DCUN1D2: variants seen among roughly 807,000 people sequenced by gnomAD.
The protein encoded by DCUN1D2 is defective in cullin neddylation 1 domain containing 2.
DCUN1D2 carries 29 observed loss-of-function variants against 30.9 expected under a neutral mutation model. The ratio of observed to expected loss-of-function variants is 0.94; its 90% confidence interval spans 0.70 to 1.28. The LOEUF is 1.28. Ranked by LOEUF, DCUN1D2 falls within the 50% of genes most tolerant of loss-of-function variation. The pLI, the probability that DCUN1D2 is intolerant of heterozygous loss-of-function variation, is 0.00. For missense variants in DCUN1D2, 325 were observed against 316.9 expected (o/e 1.03, Z -0.19); for synonymous variants, 121 against 115.3 (o/e 1.05, Z -0.32).
intron 4 of DCUN1D2, among the ~76,000 whole-genome samples, chr13:113,464,462 T>C (rs1015486425): frequency 6.6e-6 from 1 of 152,242 alleles, no homozygotes; most frequent in African/African-American, 2.4e-5. Flanking sequence ...GAAACATTCA[T>C]GCACAAAGAA....
intron 2 of DCUN1D2, among the ~76,000 whole-genome samples, chr13:113,482,943 T>C (rs2044735989): frequency 6.6e-6 from 1 of 152,086 alleles, no homozygotes; most frequent in South Asian, 2.1e-4. Context: ...CTCCGTCACA[T>C]AAACACACAC....
chr13:113,467,305 T>C (rs1392388332), intron 4 of DCUN1D2, among the ~76,000 whole-genome samples: 1 of 152,224 alleles, frequency 6.6e-6, no homozygotes, highest in Non-Finnish European at 1.5e-5. Context: ...ATGATGTTAC[T>C]ATGTGCATTT....
intron 4 of DCUN1D2, among the ~76,000 whole-genome samples, chr13:113,462,126 C>A (rs752174803): frequency 6.6e-6 from 1 of 151,924 alleles, no homozygotes; most frequent in Admixed American, 6.6e-5. Context: ...GTGGCTCATG[C>A]CTGTAGTCCC....
In DCUN1D2 at chr13:113,490,647, G is replaced by A. The variant is rs1594137956; in HGVS notation, c.3+20C>T. 5.6e-6 allele frequency: 7 copies of A among 1,243,308 alleles called. No homozygotes were observed. In the East Asian group the frequency reaches 1.4e-4, roughly 25 times the overall value. 77.0% of individuals were successfully genotyped at this position (1,243,308 alleles called of 1,614,324 possible). On this transcript the variant is annotated intron_variant, in intron 1 of 6. Coordinates refer to ENST00000478244, the MANE Select transcript of DCUN1D2 (RefSeq NM_001014283.2). This position sits in a 1 kb window ranked among gnomAD's most constrained non-coding sequence, Gnocchi z 5.2. ...CCCGACCCCGACCCCGACGGGCAGAGGCGACGCCGGGCCACCTACCATCTC... is the reference window on the plus strand; with the variant it reads ...CCCGACCCCGACCCCGACGGGCAGAAGCGACGCCGGGCCACCTACCATCTC...
chr13:113,487,340 A>G (rs2044823433), intron 1 of DCUN1D2, among the ~76,000 whole-genome samples: 1 of 152,246 alleles, frequency 6.6e-6, no homozygotes, highest in Non-Finnish European at 1.5e-5. Flanking sequence ...CCATGGTTAT[A>G]CAACAACATT....
intron 4 of DCUN1D2, among the ~76,000 whole-genome samples, chr13:113,466,801 ATTTTTTTTTTTTTT>A (rs112063279): frequency 2.7e-5 from 3 of 109,798 alleles, no homozygotes; most frequent in East Asian, 2.6e-4. Flanking sequence ...TGTCCTTTGG[ATTTTTTTTTTTTTT>A]TTTTTTTTTT....
intron 4 of DCUN1D2, chr13:113,462,900 GA>G (rs757533855): frequency 2.8e-4 from 346 of 1,220,456 alleles, no homozygotes; most frequent in East Asian, 9.5e-4. Flanking sequence ...ACCTGGGGAG[GA>G]AAAAAAAATA....
In DCUN1D2 at chr13:113,457,886, C is replaced by T; in HGVS notation, c.*143G>A. On this transcript the variant is annotated 3_prime_UTR_variant, in exon 7 of 7. Coordinates refer to ENST00000478244, the MANE Select transcript of DCUN1D2 (RefSeq NM_001014283.2). Reference sequence around the variant, plus strand: ...CCACAAAGCAGCCGCTGGCTGTCCTCCGGCAGAATGGGATGGCGCCTCTGG... The same window carrying T: ...CCACAAAGCAGCCGCTGGCTGTCCTTCGGCAGAATGGGATGGCGCCTCTGG... The T allele has an allele frequency of 2.5e-6, 2 of 784,872 alleles. No homozygotes were observed. Among genetic ancestry groups the T allele is most frequent in the Non-Finnish European group, 4.3e-6 (2 of 468,172 alleles). 48.6% of individuals were successfully genotyped at this position (784,872 alleles called of 1,614,324 possible).
rs561977911 is a variant in DCUN1D2, at chr13:113,480,521, T to C, written c.389+54A>G. 7.8e-5 allele frequency: 124 copies of C among 1,593,990 alleles called. No homozygotes were observed. In the South Asian group the frequency reaches 1.0e-3, roughly 13 times the overall value. On this transcript the variant is annotated intron_variant, in intron 3 of 6. Coordinates refer to ENST00000478244, the MANE Select transcript of DCUN1D2 (RefSeq NM_001014283.2). ...GTATGTACAGGTTGCTGAAAAATAA[T>C]GTTAGAAGTATTTTCATTTCTGAAA...
intron 2 of DCUN1D2, among the ~76,000 whole-genome samples, chr13:113,481,177 G>A (rs1251840000): frequency 2.6e-5 from 4 of 152,176 alleles, no homozygotes; most frequent in Admixed American, 6.5e-5. Context: ...AATGATTGAT[G>A]TTTTTCTTAA....
Position 113,457,679 on chromosome 13 carries a change from C to T in DCUN1D2, c.*350G>A, listed in dbSNP as rs887557202. ...TCATTCGGCGGGACGCTGCCGGACG[C>T]TGGTTCGCCTGACGCGCGAGCTACG... On this transcript the variant is annotated 3_prime_UTR_variant, in exon 7 of 7. Transcript: ENST00000478244. The T allele has an allele frequency of 5.8e-6, 1 of 171,128 alleles. No homozygotes were observed. Among genetic ancestry groups the T allele is most frequent in the Non-Finnish European group, 1.2e-5 (1 of 80,842 alleles). 10.6% of individuals were successfully genotyped at this position (171,128 alleles called of 1,614,324 possible). A position where few individuals can be genotyped will look rare whatever the true frequency, so the allele number is the denominator to read the frequency against.
intron 4 of DCUN1D2, among the ~76,000 whole-genome samples, chr13:113,465,253 C>T (rs2139685610): frequency 6.6e-6 from 1 of 152,146 alleles, no homozygotes; most frequent in South Asian, 2.1e-4. Flanking sequence ...AAACATTTAA[C>T]AATAAAAAGT....
rs751025553 is a variant in DCUN1D2, at chr13:113,490,456, G to A, written c.3+211C>T. 9 of 435,502 alleles carry A rather than the reference G, an allele frequency of 2.1e-5. No homozygotes were observed. In the East Asian group the frequency reaches 4.3e-4, roughly 21 times the overall value. 27.0% of individuals were successfully genotyped at this position (435,502 alleles called of 1,614,324 possible). On this transcript the variant is annotated intron_variant, in intron 1 of 6. Transcript: ENST00000478244. The surrounding 1 kb of genome is among the most constrained non-coding windows in gnomAD (Gnocchi z 5.2). The stretch of plus-strand genomic sequence containing the variant: ...ACTCCCGGTCGTCCCTCGCGGCTCC[G>A]GGTCAAACCCGCGCTCCCCGCGGTC...
intron 2 of DCUN1D2, 132 bp downstream of exon 2, chr13:113,483,708 G>A (rs543952307): frequency 1.0e-5 from 8 of 787,256 alleles, no homozygotes; most frequent in South Asian, 3.4e-5. Context: ...GCTGAGCGCC[G>A]AGCGCTGAGC....
chr13:113,456,010 G>T lies in DCUN1D2; in HGVS notation c.*2019C>A. 1 of 393,344 alleles carries T rather than the reference G, an allele frequency of 2.5e-6. No homozygotes were observed. Among genetic ancestry groups the T allele is most frequent in the Non-Finnish European group, 4.5e-6 (1 of 223,434 alleles). The allele number at this position is 393,344 out of a possible 1,614,324, so 24.4% of individuals were successfully genotyped here. On this transcript the variant is annotated 3_prime_UTR_variant, in exon 7 of 7. Transcript: ENST00000478244. ...CAAAAAAGTACTGTGGATCTCCATA[G>T]TTTATACAGAATTATGTGAATTCTA... is the stretch of plus-strand genomic sequence containing the variant.
At chr13:113,463,821 CACACACAG>C (rs2044358862) in intron 4 of DCUN1D2, among the ~76,000 whole-genome samples, 1 of 152,040 alleles carries the variant, frequency 6.6e-6, no homozygotes, top group Non-Finnish European at 1.5e-5. Context: ...GACACAAACA[CACACACAG>C]ACACAGACAC....
intron 2 of DCUN1D2, among the ~76,000 whole-genome samples, chr13:113,481,512 T>A (rs2044707012): frequency 6.6e-6 from 1 of 152,238 alleles, no homozygotes; most frequent in Non-Finnish European, 1.5e-5. Flanking sequence ...TTAGGTATGA[T>A]AAACTTTTCT....
intron 1 of DCUN1D2, among the ~76,000 whole-genome samples, chr13:113,484,875 C>T (rs917683967): frequency 1.6e-4 from 25 of 152,140 alleles, no homozygotes; most frequent in African/African-American, 5.5e-4. Flanking sequence ...GTCAGGAGTT[C>T]AAGACCATCC....
intron 1 of DCUN1D2, among the ~76,000 whole-genome samples, chr13:113,487,495 C>T (rs1039775630): frequency 8.5e-5 from 13 of 152,182 alleles, no homozygotes; most frequent in African/African-American, 2.9e-4. Context: ...ACACAGCGCA[C>T]GACTCCAGCT....
Sources: gnomAD v4.1 joint callset for allele counts (sites outside exome capture counted in the v4.1 genomes callset) on GRCh38, gnomAD v4.1.1 for gene constraint, Gnocchi (gnomAD v3.1) non-coding constraint, MANE v1.5 for transcripts, NCBI Gene and HGNC (gene_info 2026-07-23, HGNC 2026-07-21) for gene names.